The following SOX6 variants were observed in gnomAD, a reference collection of about 807,000 sequenced individuals.
The protein encoded by SOX6 is SRY-box transcription factor 6.
Under a neutral mutation model 97.8 loss-of-function variants are expected in SOX6, and 11 were observed. The observed-to-expected ratio is 0.11, with a 90% CI of 0.07 to 0.19. The LOEUF is 0.19. SOX6 is among the 10% of genes least tolerant of loss of function. SOX6 has a pLI of 1.00. For synonymous variants in SOX6, 360 were observed against 371.4 expected (o/e 0.97, Z 0.35); for missense variants, 810 against 1,039.5 (o/e 0.78, Z 3.04).
intron 3 of SOX6, among the ~76,000 whole-genome samples, chr11:16,247,266 T>C (rs947783525): frequency 6.6e-6 from 1 of 152,190 alleles, no homozygotes; most frequent in African/African-American, 2.4e-5. Context: ...CTGAATAATA[T>C]TTATTGTGTA....
upstream of SOX6, among the ~76,000 whole-genome samples, chr11:16,359,862 C>T (rs1038365655): frequency 6.6e-6 from 1 of 152,074 alleles, no homozygotes; most frequent in Non-Finnish European, 1.5e-5. Context: ...TTCACAGTAC[C>T]TCATTAAATC....
At chr11:16,562,364 A>T (rs1162246051) in intron 4 of SOX6, among the ~76,000 whole-genome samples, 1 of 152,196 alleles carries the variant, frequency 6.6e-6, no homozygotes, top group Non-Finnish European at 1.5e-5. Flanking sequence ...ACTTGGAGCT[A>T]AAGAAGCCAG....
At chr11:16,210,389 A>C (rs11023871) in intron 4 of SOX6, among the ~76,000 whole-genome samples, 31,304 of 152,200 alleles carry the variant, frequency 0.21, 3,857 homozygotes, top group Admixed American at 0.31. Flanking sequence ...CCAGTCACAA[A>C]AGACCACATA....
intron 4 of SOX6, among the ~76,000 whole-genome samples, chr11:16,500,454 T>A (rs1244081579): frequency 2.0e-5 from 3 of 152,172 alleles, no homozygotes; most frequent in Non-Finnish European, 2.9e-5. Context: ...TTGGAAGTTC[T>A]AGCCAGGGCA....
At chr11:15,978,835 T>A (rs1191408177) in intron 15 of SOX6, among the ~76,000 whole-genome samples, 2 of 135,552 alleles carry the variant, frequency 1.5e-5, no homozygotes, top group Admixed American at 1.5e-4. Context: ...ATATATAACA[T>A]ATCAGCATTA....
chr11:16,444,033 T>G (rs1859564713), intron 1 of SOX6, among the ~76,000 whole-genome samples: 1 of 146,936 alleles, frequency 6.8e-6, no homozygotes, highest in Admixed American at 6.8e-5. Context: ...AAAAAAAAAT[T>G]GCCCCGACCT....
intron 4 of SOX6, among the ~76,000 whole-genome samples, chr11:16,210,800 G>C (rs1852200032): frequency 6.6e-6 from 1 of 152,242 alleles, no homozygotes; most frequent in South Asian, 2.1e-4. Flanking sequence ...CTGTTTTCAT[G>C]CAACTTACTT....
intron 3 of SOX6, among the ~76,000 whole-genome samples, chr11:16,677,493 C>T (rs1412390070): frequency 1.3e-5 from 2 of 152,162 alleles, no homozygotes; most frequent in Non-Finnish European, 2.9e-5. Context: ...CTCTACTCCA[C>T]CATTTTTGTT....
At chr11:16,594,691 T>TTA (rs1848192263) in intron 4 of SOX6, among the ~76,000 whole-genome samples, 3 of 124,466 alleles carry the variant, frequency 2.4e-5, no homozygotes, top group Non-Finnish European at 5.0e-5. Flanking sequence ...TTGCTTTTTT[T>TTA]TTTTTTTTTT....
intron 11 of SOX6, 60 bp from the exon 12 acceptor site, chr11:16,046,761 T>C: frequency 1.3e-6 from 2 of 1,509,880 alleles, no homozygotes; most frequent in Non-Finnish European, 9.1e-7. Flanking sequence ...AAAGTACTAC[T>C]ACTATCCCCT....
chr11:16,061,315 A>C (rs535073622), intron 9 of SOX6, among the ~76,000 whole-genome samples: 67 of 151,162 alleles, frequency 4.4e-4, no homozygotes, highest in African/African-American at 1.6e-3. Flanking sequence ...AAAAAAAAAA[A>C]ACAGGAATAT....
chr11:16,223,517 G>A (rs1852602673), intron 4 of SOX6, among the ~76,000 whole-genome samples: 1 of 152,018 alleles, frequency 6.6e-6, no homozygotes, highest in South Asian at 2.1e-4. Context: ...CAATCTATAG[G>A]TGTGTATTAA....
chr11:16,052,118 T>A (rs1036676889), intron 10 of SOX6, among the ~76,000 whole-genome samples: 2 of 152,184 alleles, frequency 1.3e-5, no homozygotes, highest in African/African-American at 4.8e-5. Context: ...ACATCTTTTT[T>A]AACTTTGAAA....
chr11:16,421,020 T>C (rs760329644), intron 1 of SOX6, among the ~76,000 whole-genome samples: 1 of 152,148 alleles, frequency 6.6e-6, no homozygotes, highest in Non-Finnish European at 1.5e-5. Flanking sequence ...ACGAAGAGAA[T>C]ACTTTAGTGA....
chr11:15,995,575 G>A (rs1854200037), intron 13 of SOX6, among the ~76,000 whole-genome samples: 1 of 151,946 alleles, frequency 6.6e-6, no homozygotes, highest in Admixed American at 6.6e-5. Flanking sequence ...AAAAATAAAG[G>A]AAGAAAAACA....
At chr11:15,993,482 T>C (rs1229633234) in intron 13 of SOX6, among the ~76,000 whole-genome samples, 1 of 152,158 alleles carries the variant, frequency 6.6e-6, no homozygotes, top group Non-Finnish European at 1.5e-5. Context: ...CCCACAGTTA[T>C]GTACCTGGAG....
chr11:16,136,038 G>T (rs532769862), intron 6 of SOX6, among the ~76,000 whole-genome samples: 1 of 151,560 alleles, frequency 6.6e-6, no homozygotes, highest in South Asian at 2.1e-4. Context: ...ATTTTTTTTT[G>T]AGGTAGAGAC....
rs562568053 is a variant in SOX6, at chr11:16,024,709, CA to C, written c.1624-9660del. On this transcript the variant is annotated intron_variant, in intron 12 of 15. Transcript: ENST00000683767. ...GCATTTCGAGGGAGGGAAAGTATCT[CA>C]CGACCTGCTCTATGCCCAGAGAGAA... Among the ~76,000 whole-genome samples, 111 of 152,082 alleles carry C rather than the reference CA, an allele frequency of 7.3e-4. No individual in the cohort carries two copies. The South Asian group carries it at 0.013, about 18-fold the overall frequency.
chr11:16,050,054 A>G (rs764189839), intron 10 of SOX6, 116 bp from the exon 11 acceptor site: 21 of 1,063,328 alleles, frequency 2.0e-5, no homozygotes, highest in Non-Finnish European at 3.0e-5. Flanking sequence ...TCCTACAATA[A>G]TAACAAAAGA....
Sources: allele counts gnomAD v4.1 joint callset (sites outside exome capture counted in the v4.1 genomes callset), GRCh38; gene constraint gnomAD v4.1.1; transcripts MANE v1.5; gene names NCBI Gene and HGNC (gene_info 2026-07-23, HGNC 2026-07-21).